The following TRIM36 variants were observed in gnomAD, a reference collection of about 807,000 sequenced individuals.
TRIM36 encodes the protein E3 ubiquitin-protein ligase TRIM36.
Under a neutral mutation model 72.4 loss-of-function variants are expected in TRIM36, and 42 were observed. That is an observed-to-expected ratio of 0.58 (90% CI 0.45 to 0.75). TRIM36 has a LOEUF of 0.75. Ranked by LOEUF, TRIM36 falls within the 30% of genes least tolerant of loss-of-function variation. The probability of loss-of-function intolerance (pLI) is 0.00; values close to 1 mark genes in which losing one functional copy is unlikely to be tolerated. For synonymous variants in TRIM36, 315 were observed against 282.8 expected, an observed-to-expected ratio of 1.11 and a Z score of -1.14; for missense variants, 913 against 857.1, an observed-to-expected ratio of 1.07 and a Z score of -0.81.
chr5:115,158,264 AATCTC>A (rs1754290212), intron 2 of TRIM36, among the ~76,000 whole-genome samples: 1 of 152,202 alleles, frequency 6.6e-6, no homozygotes, highest in South Asian at 2.1e-4. Context: ...CACCTTACAG[AATCTC>A]TTCTTTTTCC....
chr5:115,170,883 A>ATT (rs1755082942), upstream of TRIM36, among the ~76,000 whole-genome samples: 1 of 152,266 alleles, frequency 6.6e-6, no homozygotes, highest in African/African-American at 2.4e-5. Context: ...GGCGCGCGCC[A>ATT]GCTCAAGGAC....
intron 8 of TRIM36, 99 bp downstream of exon 8, chr5:115,133,761 G>T: frequency 8.2e-7 from 1 of 1,213,652 alleles, no homozygotes; most frequent in Non-Finnish European, 1.1e-6. Context: ...ACAAGAGCTG[G>T]TTTCAGTGCA....
chr5:115,168,080 C>T (rs1004457052), intron 1 of TRIM36, among the ~76,000 whole-genome samples: 2 of 152,168 alleles, frequency 1.3e-5, no homozygotes, highest in Admixed American at 6.5e-5. Flanking sequence ...AAACCACTCC[C>T]ACGATCCAAT....
At chr5:115,167,293 G>T (rs1429047848) in intron 1 of TRIM36, among the ~76,000 whole-genome samples, 1 of 152,178 alleles carries the variant, frequency 6.6e-6, no homozygotes, top group Non-Finnish European at 1.5e-5. Context: ...CCAAACGGAG[G>T]GACTGCTGCC....
At chr5:115,134,741 C>T (rs989698621) in intron 7 of TRIM36, among the ~76,000 whole-genome samples, 3 of 152,160 alleles carry the variant, frequency 2.0e-5, no homozygotes, top group Non-Finnish European at 2.9e-5. Context: ...AGGGTTTCAC[C>T]GTGTTAGCCA....
At chr5:115,152,070 C>A (rs531628521) in intron 2 of TRIM36, among the ~76,000 whole-genome samples, 2 of 152,038 alleles carry the variant, frequency 1.3e-5, no homozygotes, top group Admixed American at 6.6e-5. Flanking sequence ...CTAAGCTAAT[C>A]GAGGAGACAC....
chr5:115,141,137 A>T, intron 5 of TRIM36, 142 bp downstream of exon 5: 1 of 595,594 alleles, frequency 1.7e-6, no homozygotes, highest in East Asian at 3.2e-5. Context: ...TTGTTTCCAT[A>T]GCCCCAGAAA....
chr5:115,160,586 C>T (rs1180907199), intron 2 of TRIM36, among the ~76,000 whole-genome samples: 1 of 152,058 alleles, frequency 6.6e-6, no homozygotes, highest in Non-Finnish European at 1.5e-5. Flanking sequence ...GCCTGTAATC[C>T]CAGCACTTTG....
At chr5:115,137,755 A>C in intron 5 of TRIM36, 139 bp from the exon 6 acceptor site, 1 of 970,470 alleles carries the variant, frequency 1.0e-6, no homozygotes, top group Non-Finnish European at 1.4e-6. Flanking sequence ...ATTTGATAAA[A>C]CCAACCTAGA....
intron 9 of TRIM36, among the ~76,000 whole-genome samples, chr5:115,129,857 TCAA>T (rs1484879977): frequency 1.3e-5 from 2 of 152,316 alleles, no homozygotes; most frequent in Non-Finnish European, 2.9e-5. Context: ...TAATACTGCA[TCAA>T]CAACGTTTAC....
intron 2 of TRIM36, among the ~76,000 whole-genome samples, chr5:115,161,072 A>G (rs976113988): frequency 6.6e-6 from 1 of 152,186 alleles, no homozygotes; most frequent in Non-Finnish European, 1.5e-5. Context: ...TACTTACAGC[A>G]TTCGCACCCT....
At chr5:115,137,288 G>C (rs182970319) in intron 6 of TRIM36, 75 bp downstream of exon 6, 1 of 1,530,570 alleles carries the variant, frequency 6.5e-7, no homozygotes, top group Admixed American at 2.1e-5. Context: ...ACCAATCAGA[G>C]CTAAAGTGAG....
intron 1 of TRIM36, chr5:115,177,538 C>A (rs1236673449): frequency 1.5e-6 from 2 of 1,376,784 alleles, no homozygotes; most frequent in Non-Finnish European, 1.9e-6. Flanking sequence ...TCTCAAAGGT[C>A]TGCTATTCCA....
intron 2 of TRIM36, among the ~76,000 whole-genome samples, chr5:115,161,198 A>C (rs1754465625): frequency 6.6e-6 from 1 of 152,000 alleles, no homozygotes; most frequent in Non-Finnish European, 1.5e-5. Context: ...GTGTCTTTAA[A>C]AAAAAAAAGA....
chr5:115,157,210 T>C (rs1044906877), intron 2 of TRIM36, among the ~76,000 whole-genome samples: 2 of 150,900 alleles, frequency 1.3e-5, no homozygotes, highest in South Asian at 4.2e-4. Flanking sequence ...TCCACTCTGC[T>C]GGTGGGAATG....
At chr5:115,141,022 A>G (rs1394518319) in intron 5 of TRIM36, among the ~76,000 whole-genome samples, 1 of 152,216 alleles carries the variant, frequency 6.6e-6, no homozygotes. Flanking sequence ...AGATCTTGTT[A>G]GTTGCCACAC....
At chr5:115,128,041 T>C (rs1752444451) in intron 9 of TRIM36, among the ~76,000 whole-genome samples, 1 of 144,414 alleles carries the variant, frequency 6.9e-6, no homozygotes, top group Non-Finnish European at 1.5e-5. Context: ...TGTTAAAAAT[T>C]TAAAAAATTA....
chr5:115,127,810 A>T (rs1752434917), intron 9 of TRIM36, among the ~76,000 whole-genome samples: 1 of 152,102 alleles, frequency 6.6e-6, no homozygotes, highest in Non-Finnish European at 1.5e-5. Context: ...CTACTTATTT[A>T]AAAAAATGTT....
At chr5:115,131,038 A>T (rs1304289102) in intron 8 of TRIM36, 149 bp from the exon 9 acceptor site, 1 of 789,292 alleles carries the variant, frequency 1.3e-6, no homozygotes, top group African/African-American at 1.7e-5. Context: ...GACAAACCAA[A>T]ACCCAACTTA....
Sources: gnomAD v4.1 joint callset for allele counts (sites outside exome capture counted in the v4.1 genomes callset) on GRCh38, gnomAD v4.1.1 for gene constraint, MANE v1.5 for transcripts, NCBI Gene and HGNC (gene_info 2026-07-23, HGNC 2026-07-21) for gene names.